RRM2: variants seen among roughly 807,000 people sequenced by gnomAD.
RRM2 encodes the protein ribonucleoside-diphosphate reductase subunit M2.
In RRM2, 6 loss-of-function variants were observed where a neutral mutation model predicts 45.9. The observed-to-expected ratio is 0.13, with a 90% confidence interval of 0.07 to 0.26. The LOEUF (loss-of-function observed/expected upper bound fraction) is 0.26. Ranked by LOEUF, RRM2 falls within the 10% of genes least tolerant of loss-of-function variation. The pLI, the probability that RRM2 is intolerant of heterozygous loss-of-function variation, is 1.00. For missense variants in RRM2, 343 were observed against 489.5 expected (o/e 0.70, Z 2.82); for synonymous variants, 177 against 173.0 (o/e 1.02, Z -0.18).
chr2:10,209,391 T>C (rs942068762), intron 3 of RRM2, among the ~76,000 whole-genome samples: 4 of 151,990 alleles, frequency 2.6e-5, no homozygotes, highest in African/African-American at 9.7e-5. Flanking sequence ...AAGCCGGGGG[T>C]GCTGCTCCCC....
chr2:10,170,866 A>G (rs1000255685), intron 3 of RRM2, among the ~76,000 whole-genome samples: 11 of 152,206 alleles, frequency 7.2e-5, no homozygotes, highest in African/African-American at 2.7e-4. Flanking sequence ...TAGGAATCAG[A>G]TGCCAGAAAG....
At chr2:10,192,943 C>T (rs1445451741) in intron 3 of RRM2, among the ~76,000 whole-genome samples, 2 of 152,216 alleles carry the variant, frequency 1.3e-5, no homozygotes, top group Non-Finnish European at 2.9e-5. Context: ...GTCCCTTCTG[C>T]GCTGCAGTCT....
chr2:10,165,109 A>G (rs537544792), intron 3 of RRM2, among the ~76,000 whole-genome samples: 1 of 152,138 alleles, frequency 6.6e-6, no homozygotes, highest in African/African-American at 2.4e-5. Flanking sequence ...ACATCACCAC[A>G]CCTAGCTGAT....
At chr2:10,153,007 G>C (rs148244049) in intron 3 of RRM2, among the ~76,000 whole-genome samples, 2 of 152,090 alleles carry the variant, frequency 1.3e-5, no homozygotes, top group Admixed American at 6.5e-5. Flanking sequence ...CATTAGCCAC[G>C]ATATGGAAAC....
intron 3 of RRM2, among the ~76,000 whole-genome samples, chr2:10,190,869 G>GTGATGA (rs1664289464): frequency 6.6e-6 from 1 of 152,114 alleles, no homozygotes; most frequent in Non-Finnish European, 1.5e-5. Flanking sequence ...AATGCTGAGA[G>GTGATGA]TGATGATGGT....
upstream of RRM2, among the ~76,000 whole-genome samples, chr2:10,139,550 T>C (rs1269377287): frequency 1.3e-5 from 2 of 152,158 alleles, no homozygotes; most frequent in Non-Finnish European, 2.9e-5. Context: ...AATCACCACA[T>C]TGCTGGGGGC....
chr2:10,170,139 G>C (rs1391003036), intron 3 of RRM2, among the ~76,000 whole-genome samples: 4 of 152,176 alleles, frequency 2.6e-5, no homozygotes, highest in Non-Finnish European at 4.4e-5. Flanking sequence ...CGGACATCCA[G>C]AGTGAGCACC....
At chr2:10,124,501 A>T (rs997149575) in intron 4 of RRM2, among the ~76,000 whole-genome samples, 1 of 152,210 alleles carries the variant, frequency 6.6e-6, no homozygotes, top group Non-Finnish European at 1.5e-5. Context: ...TAATTAGGAA[A>T]TCGAGCGCTC....
intron 3 of RRM2, among the ~76,000 whole-genome samples, chr2:10,191,703 T>C (rs1664311034): frequency 6.6e-6 from 1 of 152,044 alleles, no homozygotes; most frequent in Non-Finnish European, 1.5e-5. Context: ...CACCCAGCCC[T>C]CCTGACCAGG....
intron 3 of RRM2, among the ~76,000 whole-genome samples, chr2:10,190,447 ATG>A (rs1664273337): frequency 6.2e-5 from 5 of 81,284 alleles, no homozygotes; most frequent in East Asian, 4.9e-4. Flanking sequence ...GATGATGATG[ATG>A]TGATGATGGT....
At chr2:10,182,008 C>T (rs1370853012) in intron 3 of RRM2, among the ~76,000 whole-genome samples, 5 of 152,032 alleles carry the variant, frequency 3.3e-5, no homozygotes, top group African/African-American at 1.2e-4. Context: ...TCAAGCAATC[C>T]TCATTCCTCA....
At chr2:10,125,566 C>T (rs1388699637) in intron 5 of RRM2, among the ~76,000 whole-genome samples, 8 of 152,240 alleles carry the variant, frequency 5.3e-5, no homozygotes, top group East Asian at 1.9e-4. Flanking sequence ...TGGTGGCGGG[C>T]GCCTGTAGTC....
At chr2:10,193,969 C>T (rs60537578) in intron 3 of RRM2, among the ~76,000 whole-genome samples, 57,485 of 152,048 alleles carry the variant, frequency 0.38, 11,872 homozygotes, top group Non-Finnish European at 0.47. Flanking sequence ...AGAGACATTT[C>T]ACAAATTAAC....
intron 3 of RRM2, among the ~76,000 whole-genome samples, chr2:10,151,755 C>T (rs545822301): frequency 6.6e-6 from 1 of 152,292 alleles, no homozygotes; most frequent in East Asian, 1.9e-4. Flanking sequence ...TGCTTCATAC[C>T]CTTGCCAACA....
At chr2:10,208,381 G>A (rs1205705345) in intron 3 of RRM2, among the ~76,000 whole-genome samples, 12 of 152,174 alleles carry the variant, frequency 7.9e-5, no homozygotes, top group Admixed American at 2.6e-4. Context: ...TGCTGGGACT[G>A]CAGTGAGACC....
In RRM2 at chr2:10,124,828, T is replaced by TA; in HGVS notation, c.548dup (p.Tyr183Ter). 6.2e-7 allele frequency: 1 copy of TA among 1,600,632 alleles called. No homozygotes were observed. The highest frequency in any genetic ancestry group is 8.5e-7 in the Non-Finnish European group (1 of 1,169,694). ...SEMYSLLIDT[Y>*]IKDPKEREFL... is the part of the protein sequence containing the mutation. ...AATGTATAGTCTTCTTATTGACACTTACATAAAAGATCCCAAAGAAAGGTG... is the reference window on the plus strand; with the variant it reads ...AATGTATAGTCTTCTTATTGACACTTAACATAAAAGATCCCAAAGAAAGGTG... Residue 183 changes from tyrosine (Y) to a stop codon, truncating the protein, a stop_gained and frameshift_variant, in exon 5 of 10, where the codon TAC becomes TAAC. Coordinates refer to ENST00000304567, the MANE Select transcript of RRM2 (RefSeq NM_001034.4). LOFTEE classifies it high-confidence loss of function.
At chr2:10,186,905 C>T (rs563722174) in intron 3 of RRM2, among the ~76,000 whole-genome samples, 78 of 152,334 alleles carry the variant, frequency 5.1e-4, no homozygotes, top group East Asian at 2.1e-3. Context: ...TCTCAGGTCC[C>T]AGTGAGGCTG....
At chr2:10,161,201 A>G (rs974400597) in intron 3 of RRM2, among the ~76,000 whole-genome samples, 36 of 152,106 alleles carry the variant, frequency 2.4e-4, no homozygotes, top group Non-Finnish European at 1.3e-4. Flanking sequence ...GGGACCACAG[A>G]CATGCACCAC....
rs553255498 is a variant in RRM2 at position 10,158,158 on chromosome 2, A to G, written n.482+15783A>G. Among the ~76,000 whole-genome samples the G allele has an allele frequency of 3.3e-5, 5 of 152,312 alleles. No individual in the cohort carries two copies. In the South Asian group the frequency reaches 8.3e-4, roughly 25 times the overall value. On this transcript the variant is annotated intron_variant and non_coding_transcript_variant, in intron 3 of 3. Transcript: ENST00000381786. ...CCTTGATTTTACGGATGAAAAAAAT[A>G]ACAAGGCTCAGAGAATCCAGGTCAT...
Sources: allele counts gnomAD v4.1 joint callset (sites outside exome capture counted in the v4.1 genomes callset), GRCh38; gene constraint gnomAD v4.1.1; transcripts MANE v1.5; gene names NCBI Gene and HGNC (gene_info 2026-07-23, HGNC 2026-07-21).